ECPAS: variants seen among roughly 807,000 people sequenced by gnomAD.
The protein encoded by ECPAS is Ecm29 proteasome adaptor and scaffold, also known as proteasome adapter and scaffold protein ECM29.
A neutral mutation model predicts 255.1 loss-of-function variants in ECPAS; 70 were observed. The observed-to-expected ratio is 0.27, with a 90% CI of 0.23 to 0.33. The LOEUF is 0.33. ECPAS is among the 10% of genes least tolerant of loss of function. The pLI, the probability that ECPAS is intolerant of heterozygous loss-of-function variation, is 1.00. For missense variants in ECPAS, 1,817 were observed against 2,206.4 expected (o/e 0.82, Z 3.54); for synonymous variants, 784 against 775.0 (o/e 1.01, Z -0.19).
At chr9:111,427,724 T>C (rs1342814530) in intron 10 of ECPAS, among the ~76,000 whole-genome samples, 1 of 152,232 alleles carries the variant, frequency 6.6e-6, no homozygotes, top group African/African-American at 2.4e-5. Context: ...AGTAAAGTTT[T>C]GACTGTTTTA....
intron 16 of ECPAS, among the ~76,000 whole-genome samples, 192 bp downstream of exon 16, chr9:111,419,825 A>G (rs572170392): frequency 8.2e-4 from 123 of 149,816 alleles, no homozygotes; most frequent in Admixed American, 1.7e-3. Context: ...AGATATATAC[A>G]TGTAATATTT....
Position 111,371,676 on chromosome 9 carries a change from C to T in ECPAS, c.4682G>A (p.Gly1561Glu). ...QTSSLVPPYL[G>E]MILTALLQGL... is the part of the protein sequence containing the mutation. ...TTGCAGCAATGCGGTCAGTATCATT[C>T]CGAGATATGGAGGTACTAGAGAGCT... is the stretch of plus-strand genomic sequence containing the variant. Residue 1561 changes from glycine to glutamate, a missense_variant, in exon 43 of 50, where the codon GGA becomes GAA. By Grantham distance (98) the Gly-to-Glu change is moderately conservative. This residue lies in a region of ECPAS where 960 missense variants were observed against 1,179.0 expected (regional missense o/e 0.81). Transcript: ENST00000684092. 1 of 1,613,860 alleles carries T rather than the reference C, an allele frequency of 6.2e-7. No individual in the cohort carries two copies. The highest frequency in any genetic ancestry group is 8.5e-7 in the Non-Finnish European group (1 of 1,179,808).
At chr9:111,379,868 G>A (rs996522310) in intron 35 of ECPAS, among the ~76,000 whole-genome samples, 1 of 152,172 alleles carries the variant, frequency 6.6e-6, no homozygotes, top group Non-Finnish European at 1.5e-5. Context: ...ATTCAGTCAC[G>A]TCTTCAGGCC....
intron 28 of ECPAS, among the ~76,000 whole-genome samples, chr9:111,392,450 A>G (rs1447619142): frequency 6.6e-6 from 1 of 152,202 alleles, no homozygotes; most frequent in Non-Finnish European, 1.5e-5. Flanking sequence ...CACGGGTTAG[A>G]CTATGAATGA....
intron 37 of ECPAS, among the ~76,000 whole-genome samples, 152 bp downstream of exon 37, chr9:111,376,324 A>G (rs2098133322): frequency 6.6e-6 from 1 of 152,234 alleles, no homozygotes; most frequent in Admixed American, 6.5e-5. Flanking sequence ...ACAGAGAAGA[A>G]AAGAGAAATA....
At chr9:111,425,853 C>T (rs2098220739) in intron 10 of ECPAS, 25 bp from the exon 11 acceptor site, 2 of 1,086,884 alleles carry the variant, frequency 1.8e-6, no homozygotes, top group Non-Finnish European at 2.7e-6. Flanking sequence ...GAGTTGAGAA[C>T]ATCAATTAAT....
At chr9:111,451,307 G>A in intron 3 of ECPAS, 118 bp downstream of exon 3, 1 of 1,020,548 alleles carries the variant, frequency 9.8e-7, no homozygotes, top group Non-Finnish European at 1.4e-6. Context: ...TCTCCATTTT[G>A]AAAGGCCATA....
chr9:111,454,316 G>A (rs1056065382), intron 2 of ECPAS, among the ~76,000 whole-genome samples: 1 of 146,866 alleles, frequency 6.8e-6, no homozygotes, highest in Admixed American at 6.8e-5. Flanking sequence ...GAGATGGGGG[G>A]GTGGGGTGCG....
chr9:111,419,957 G>A, intron 16 of ECPAS, 60 bp downstream of exon 16: 4 of 1,226,742 alleles, frequency 3.3e-6, no homozygotes, highest in South Asian at 2.4e-5. Context: ...ACAACTTTTA[G>A]TAATTTTCAA....
intron 31 of ECPAS, among the ~76,000 whole-genome samples, chr9:111,388,959 C>T (rs770039603): frequency 6.6e-6 from 1 of 152,224 alleles, no homozygotes; most frequent in Non-Finnish European, 1.5e-5. Context: ...TAAACAGTTA[C>T]ATATGCATGT....
chr9:111,425,555 A>AC (rs1241988595), intron 11 of ECPAS, 59 bp from the exon 12 acceptor site: 1 of 1,208,226 alleles, frequency 8.3e-7, no homozygotes, highest in East Asian at 2.5e-5. Flanking sequence ...ACATATCTTT[A>AC]CGGATGATTA....
chr9:111,406,297 T>C (rs911041852), intron 24 of ECPAS, among the ~76,000 whole-genome samples: 1 of 149,592 alleles, frequency 6.7e-6, no homozygotes, highest in Non-Finnish European at 1.5e-5. Flanking sequence ...TGTTCTCACT[T>C]GTATGTGAGA....
chr9:111,426,368 TAAA>T (rs774666781), intron 10 of ECPAS, among the ~76,000 whole-genome samples: 3 of 115,834 alleles, frequency 2.6e-5, no homozygotes, highest in Non-Finnish European at 3.6e-5. Context: ...TTACTTACAC[TAAA>T]AAAAAAAAAA....
chr9:111,459,785 AT>A (rs1444414642), intron 2 of ECPAS, among the ~76,000 whole-genome samples: 1 of 152,200 alleles, frequency 6.6e-6, no homozygotes, highest in Non-Finnish European at 1.5e-5. Flanking sequence ...TTCATTCTAA[AT>A]TACCACAAAT....
At chr9:111,452,560 A>T (rs1453727434) in intron 2 of ECPAS, among the ~76,000 whole-genome samples, 1 of 152,226 alleles carries the variant, frequency 6.6e-6, no homozygotes, top group Non-Finnish European at 1.5e-5. Context: ...AGTAAAACCA[A>T]AATTGCCACT....
At chr9:111,426,577 C>A (rs546866129) in intron 10 of ECPAS, among the ~76,000 whole-genome samples, 9 of 151,888 alleles carry the variant, frequency 5.9e-5, no homozygotes, top group African/African-American at 1.9e-4. Context: ...GATACATAGC[C>A]AAGCATGGTG....
At chr9:111,473,027 C>T (rs1303292078) in intron 1 of ECPAS, 27 bp from the exon 2 acceptor site, 58 of 746,792 alleles carry the variant, frequency 7.8e-5, no homozygotes, top group Non-Finnish European at 9.7e-5. Context: ...CAAAAAAATA[C>T]AATTAACAGA....
chr9:111,362,117 C>G lies in ECPAS; in HGVS notation c.5433G>C (p.Glu1811Asp), dbSNP rs935876396. Residue 1811 changes from glutamate to aspartate, a missense_variant, in exon 50 of 50, where the codon GAG (glutamate) becomes GAC (aspartate). Around this residue, in one of 4 missense-constraint regions of ECPAS, gnomAD observed 960 missense variants for 1,179.0 expected, o/e 0.81. Coordinates refer to ENST00000684092, the MANE Select transcript of ECPAS (RefSeq NM_001364929.1). ...TGTCTGGCTCCATAGTAGCTAAAGA[C>G]TCAATTAGGAGCACTCTGCATTCAG... is the stretch of plus-strand genomic sequence containing the variant. ...LTSECRVLLI[E>D]SLATMEPDSR... 3 of 1,609,900 alleles carry G rather than the reference C, an allele frequency of 1.9e-6. No homozygotes were observed. The highest frequency in any genetic ancestry group is 2.5e-6 in the Non-Finnish European group (3 of 1,178,756).
chr9:111,414,696 G>A (rs1200849066), intron 18 of ECPAS, 45 bp from the exon 19 acceptor site: 1 of 1,522,556 alleles, frequency 6.6e-7, no homozygotes, highest in East Asian at 2.3e-5. Flanking sequence ...TTCTCGAAAA[G>A]TCAGTGTGGG....
Sources: allele counts gnomAD v4.1 joint callset (sites outside exome capture counted in the v4.1 genomes callset), GRCh38; gene constraint gnomAD v4.1.1; regional missense constraint gnomAD v4.1.1; transcripts MANE v1.5; gene names NCBI Gene and HGNC (gene_info 2026-07-23, HGNC 2026-07-21).